HCN1: variants seen among roughly 807,000 people sequenced by gnomAD.
HCN1 encodes hyperpolarization activated cyclic nucleotide gated potassium channel 1.
HCN1 carries 13 observed loss-of-function variants against 78.9 expected under a neutral mutation model. The ratio of observed to expected loss-of-function variants is 0.16; its 90% CI spans 0.11 to 0.26. The LOEUF is 0.26. Among genes scored for constraint, HCN1 ranks in the 10% least tolerant of loss-of-function variants. The probability of loss-of-function intolerance (pLI) is 1.00; values close to 1 mark genes in which losing one functional copy is unlikely to be tolerated. For missense variants in HCN1, 810 were observed against 1,154.3 expected (o/e 0.70, Z 4.32); for synonymous variants, 552 against 455.5 (o/e 1.21, Z -2.70).
At chr5:45,625,158 C>G (rs1012347226) in intron 2 of HCN1, among the ~76,000 whole-genome samples, 5 of 151,856 alleles carry the variant, frequency 3.3e-5, no homozygotes, top group African/African-American at 4.8e-5. Flanking sequence ...CAAAAATTAG[C>G]CGGGTATGGT....
chr5:45,691,878 G>A (rs919458007), intron 1 of HCN1, among the ~76,000 whole-genome samples: 5 of 152,036 alleles, frequency 3.3e-5, no homozygotes, highest in Non-Finnish European at 4.4e-5. Context: ...CGGATGTGAC[G>A]GTATCTTCAG....
intron 2 of HCN1, among the ~76,000 whole-genome samples, chr5:45,522,166 T>C (rs1337336709): frequency 6.6e-6 from 1 of 152,046 alleles, no homozygotes; most frequent in Non-Finnish European, 1.5e-5. Context: ...TTCTTAACAG[T>C]ATTTCTAATT....
At chr5:45,444,917 A>T (rs1223921168) in intron 3 of HCN1, among the ~76,000 whole-genome samples, 1 of 152,136 alleles carries the variant, frequency 6.6e-6, no homozygotes, top group African/African-American at 2.4e-5. Context: ...AGATGGCCGA[A>T]TAGGAACAGC....
At chr5:45,445,916 G>A (rs1579899993) in intron 3 of HCN1, among the ~76,000 whole-genome samples, 2 of 152,244 alleles carry the variant, frequency 1.3e-5, no homozygotes, top group East Asian at 3.9e-4. Context: ...AACAAAAGTA[G>A]ATAAAACCAC....
chr5:45,624,327 G>T (rs1403650244), intron 2 of HCN1, among the ~76,000 whole-genome samples: 1 of 152,182 alleles, frequency 6.6e-6, no homozygotes, highest in Admixed American at 6.5e-5. Context: ...ACAATAGTAA[G>T]GGTATATAGC....
chr5:45,372,782 T>G (rs1427538421), intron 4 of HCN1, among the ~76,000 whole-genome samples: 1 of 141,002 alleles, frequency 7.1e-6, no homozygotes. Flanking sequence ...ACGTATTCTA[T>G]ACACAAAAAT....
At chr5:45,454,636 A>G (rs192634259) in intron 3 of HCN1, among the ~76,000 whole-genome samples, 1 of 152,182 alleles carries the variant, frequency 6.6e-6, no homozygotes, top group East Asian at 1.9e-4. Context: ...GGGGAAATAT[A>G]TTTTTAATTA....
chr5:45,318,904 C>G (rs932108238), intron 5 of HCN1, among the ~76,000 whole-genome samples: 1 of 152,000 alleles, frequency 6.6e-6, no homozygotes, highest in African/African-American at 2.4e-5. Flanking sequence ...CACTACAGAG[C>G]AGGTCTTCTT....
intron 5 of HCN1, among the ~76,000 whole-genome samples, chr5:45,351,568 C>A (rs1746903919): frequency 8.8e-6 from 1 of 113,266 alleles, no homozygotes; most frequent in African/African-American, 4.8e-5. Flanking sequence ...GCAAAAGAAA[C>A]TACCATCAGA....
At chr5:45,484,406 C>T (rs915816259) in intron 2 of HCN1, among the ~76,000 whole-genome samples, 10 of 151,992 alleles carry the variant, frequency 6.6e-5, no homozygotes, top group African/African-American at 2.4e-4. Context: ...TGCACTCCAG[C>T]CTGGGCAACA....
chr5:45,350,984 C>G (rs1273138738), intron 5 of HCN1, among the ~76,000 whole-genome samples: 3 of 152,170 alleles, frequency 2.0e-5, no homozygotes, highest in Non-Finnish European at 2.9e-5. Context: ...CCATCCCCAT[C>G]AAGCTACCAA....
chr5:45,362,827 C>T, intron 4 of HCN1, among the ~76,000 whole-genome samples: 1 of 151,880 alleles, frequency 6.6e-6, no homozygotes, highest in East Asian at 1.9e-4. Context: ...TTCTTGTCAT[C>T]AAAAAATGAC....
intron 6 of HCN1, among the ~76,000 whole-genome samples, chr5:45,286,358 C>T (rs1045001549): frequency 6.6e-6 from 1 of 151,898 alleles, no homozygotes; most frequent in Admixed American, 6.6e-5. Flanking sequence ...TTTCCAGTTT[C>T]TTGAGGCTGG....
intron 4 of HCN1, among the ~76,000 whole-genome samples, chr5:45,370,489 C>A (rs1747330910): frequency 6.6e-6 from 1 of 152,000 alleles, no homozygotes; most frequent in Non-Finnish European, 1.5e-5. Flanking sequence ...GCCTTCTGAA[C>A]TTCAACATCA....
chr5:45,268,345 C>T (rs1337109704), intron 6 of HCN1, among the ~76,000 whole-genome samples: 1 of 152,042 alleles, frequency 6.6e-6, no homozygotes, highest in Admixed American at 6.5e-5. Flanking sequence ...CTACTGTAGG[C>T]TTTGATTATT....
At chr5:45,562,417 A>C (rs1053454945) in intron 2 of HCN1, among the ~76,000 whole-genome samples, 1 of 152,060 alleles carries the variant, frequency 6.6e-6, no homozygotes, top group African/African-American at 2.4e-5. Flanking sequence ...CATTCCTGTA[A>C]TCCTAACACT....
chr5:45,692,795 T>A (rs1739939380), intron 1 of HCN1, among the ~76,000 whole-genome samples: 2 of 152,092 alleles, frequency 1.3e-5, no homozygotes, highest in African/African-American at 4.8e-5. Flanking sequence ...GCTATCAGTC[T>A]TAAAAATTAT....
chr5:45,611,446 A>AT (rs2111979068), intron 2 of HCN1, among the ~76,000 whole-genome samples: 1 of 151,108 alleles, frequency 6.6e-6, no homozygotes, highest in African/African-American at 2.4e-5. Context: ...TAATGTTTGT[A>AT]TTTTTTGTGG....
chr5:45,641,533 G>A (rs1216328319), intron 2 of HCN1, among the ~76,000 whole-genome samples: 1 of 152,062 alleles, frequency 6.6e-6, no homozygotes, highest in Non-Finnish European at 1.5e-5. Flanking sequence ...ATACAAAGGA[G>A]GTTGGGGAGA....
Sources: gnomAD v4.1 joint callset for allele counts (sites outside exome capture counted in the v4.1 genomes callset) on GRCh38, gnomAD v4.1.1 for gene constraint, MANE v1.5 for transcripts, NCBI Gene and HGNC (gene_info 2026-07-23, HGNC 2026-07-21) for gene names.